ZNF75D: variants seen among roughly 807,000 people sequenced by gnomAD.
The protein encoded by ZNF75D is zinc finger protein 75.
In ZNF75D, 33 loss-of-function variants were observed where a neutral mutation model predicts 33.3. The ratio of observed to expected loss-of-function variants is 0.99; its 90% CI spans 0.75 to 1.32. The LOEUF is 1.32. ZNF75D is among the 40% of genes most tolerant of loss of function. ZNF75D has a pLI of 0.00. For synonymous variants in ZNF75D, 113 were observed against 130.6 expected (o/e 0.87, Z 0.92); for missense variants, 338 against 367.5 (o/e 0.92, Z 0.66).
At chrX:135,258,020 A>T (rs782240950) in intron 1 of ZNF75D, among the ~76,000 whole-genome samples, 36 of 108,351 alleles carry the variant, frequency 3.3e-4, no homozygotes, top group East Asian at 2.6e-3. Flanking sequence ...TGTCCAAGTG[A>T]TCTCATTGTT....
At chrX:135,304,646 C>A (rs17283948) in intron 1 of ZNF75D, among the ~76,000 whole-genome samples, 29 of 112,278 alleles carry the variant, frequency 2.6e-4, no homozygotes, top group African/African-American at 9.0e-4. Context: ...GTTCCTTCGA[C>A]GGCTAACCAT....
At chrX:135,267,243 T>C (rs918993510) in intron 1 of ZNF75D, among the ~76,000 whole-genome samples, 2 of 110,774 alleles carry the variant, frequency 1.8e-5, no homozygotes, top group Admixed American at 9.6e-5. Context: ...AAAATTATAA[T>C]AACAGAAATA....
intron 1 of ZNF75D, among the ~76,000 whole-genome samples, chrX:135,304,276 G>A (rs1400866840): frequency 1.8e-5 from 2 of 110,985 alleles, no homozygotes; most frequent in Non-Finnish European, 3.8e-5. Flanking sequence ...GCTGAGCGTG[G>A]GCCTGGATGG....
Position 135,310,912 on chromosome X carries a change from A to G in ZNF75D, c.-390-14873T>C, listed in dbSNP as rs782622144. ...ACTGTAGGTTGGAAGGGGAGGGTTT[A>G]GAGGACATCCAGGTAGAGGGGCCTC... On this transcript the variant is annotated intron_variant, in intron 1 of 6. Coordinates refer to ENST00000370766, the MANE Select transcript of ZNF75D (RefSeq NM_007131.5). Among the ~76,000 whole-genome samples, 6 of 111,147 alleles carry G rather than the reference A, an allele frequency of 5.4e-5. No individual in the cohort carries two copies. In the South Asian group the frequency reaches 2.4e-3, roughly 45 times the overall value.
At chrX:135,339,752 T>G (rs1156264707) in intron 1 of ZNF75D, among the ~76,000 whole-genome samples, 1 of 111,980 alleles carries the variant, frequency 8.9e-6, no homozygotes, top group Admixed American at 9.4e-5. Context: ...CCCAGCCCCC[T>G]CCCTCGCTCC....
At chrX:135,258,488 T>C (rs782225677) in intron 1 of ZNF75D, among the ~76,000 whole-genome samples, 1 of 111,804 alleles carries the variant, frequency 8.9e-6, no homozygotes, top group East Asian at 2.8e-4. Context: ...ATTGCCATTC[T>C]AACTGGTGTG....
At chrX:135,308,546 C>CT (rs1295950931) in intron 1 of ZNF75D, among the ~76,000 whole-genome samples, 5 of 111,937 alleles carry the variant, frequency 4.5e-5, no homozygotes, top group African/African-American at 1.3e-4. Flanking sequence ...CAGATACAGG[C>CT]TTTTTTCAGT....
chrX:135,312,965 T>C (rs782659940), intron 1 of ZNF75D, among the ~76,000 whole-genome samples: 2 of 112,169 alleles, frequency 1.8e-5, no homozygotes, highest in African/African-American at 3.2e-5. Flanking sequence ...CTCCACTCAA[T>C]GGATTGTTTC....
downstream of ZNF75D, among the ~76,000 whole-genome samples, chrX:135,282,569 C>A (rs1461367213): frequency 9.0e-6 from 1 of 111,560 alleles, no homozygotes; most frequent in African/African-American, 3.3e-5. Flanking sequence ...TCAGTGTCTG[C>A]CCAAATAGCT....
downstream of ZNF75D, among the ~76,000 whole-genome samples, chrX:135,284,876 C>T (rs1277382684): frequency 2.7e-5 from 3 of 111,958 alleles, no homozygotes; most frequent in African/African-American, 9.7e-5. Flanking sequence ...TGACCTAGTA[C>T]ATCCTTGAAT....
chrX:135,317,171 A>G (rs2084431362), intron 1 of ZNF75D, among the ~76,000 whole-genome samples: 1 of 111,778 alleles, frequency 8.9e-6, no homozygotes, highest in Non-Finnish European at 1.9e-5. Context: ...TGAGTAGGGC[A>G]CTTTGGCTGT....
chrX:135,333,717 C>T (rs782738939), intron 1 of ZNF75D, among the ~76,000 whole-genome samples: 3 of 111,693 alleles, frequency 2.7e-5, no homozygotes, highest in Non-Finnish European at 5.6e-5. Flanking sequence ...CCTACCTTCC[C>T]GCAAAACAAA....
chrX:135,309,612 A>T (rs192387310), intron 1 of ZNF75D: 1 of 295,553 alleles, frequency 3.4e-6, no homozygotes, highest in Middle Eastern at 8.7e-4. Context: ...ACTGGGCAGG[A>T]ACAGAAGTGA....
rs147115415 is a variant in ZNF75D, at chrX:135,329,529, C to T, written c.-391+12239G>A. 7.6e-3 allele frequency among the ~76,000 whole-genome samples: 857 copies of T among 112,258 alleles called. 6 individuals carry two copies. Among genetic ancestry groups the T allele is most frequent in the African/African-American group, 0.026 (806 of 30,906 alleles). On this transcript the variant is annotated intron_variant, in intron 1 of 6. Coordinates refer to ENST00000370766, the MANE Select transcript of ZNF75D (RefSeq NM_007131.5). ...CTGAGCCCAGGCTATCTGCCTGTCT[C>T]GGCCTCCCAAAGTGCTGTCATGCCT... is the stretch of plus-strand genomic sequence containing the variant.
At chrX:135,296,252 G>A (rs1314538338) in intron 1 of ZNF75D, among the ~76,000 whole-genome samples, 6 of 111,425 alleles carry the variant, frequency 5.4e-5, no homozygotes, top group Non-Finnish European at 1.1e-4. Flanking sequence ...CTCTAGCCCT[G>A]CTGGAAGCCT....
intron 1 of ZNF75D, among the ~76,000 whole-genome samples, chrX:135,264,942 C>T (rs930638219): frequency 2.4e-4 from 27 of 112,051 alleles, no homozygotes; most frequent in African/African-American, 4.9e-4. Flanking sequence ...GGCCTTAGGC[C>T]GGGAGCAGTG....
intron 1 of ZNF75D, among the ~76,000 whole-genome samples, chrX:135,328,241 G>A (rs1289781696): frequency 9.0e-6 from 1 of 111,430 alleles, no homozygotes; most frequent in Admixed American, 9.5e-5. Context: ...CCTGAAAGTG[G>A]GACGTTTGTG....
chrX:135,249,445 C>T (rs1220767928), intron 3 of ZNF75D: 2 of 204,503 alleles, frequency 9.8e-6, no homozygotes, highest in Non-Finnish European at 1.8e-5. Context: ...TTTGTGGCAA[C>T]TTGTGATTTT....
At chrX:135,314,168 A>C (rs1416655694) in intron 1 of ZNF75D, among the ~76,000 whole-genome samples, 2 of 111,918 alleles carry the variant, frequency 1.8e-5, no homozygotes, top group East Asian at 5.6e-4. Flanking sequence ...TGCTCCCTCC[A>C]TGCACAGTTT....
Sources: gnomAD v4.1 joint callset for allele counts (sites outside exome capture counted in the v4.1 genomes callset) on GRCh38, gnomAD v4.1.1 for gene constraint, MANE v1.5 for transcripts, NCBI Gene and HGNC (gene_info 2026-07-23, HGNC 2026-07-21) for gene names.